PRMT3: variants seen among roughly 807,000 people sequenced by gnomAD.
PRMT3 encodes protein arginine methyltransferase 3.
PRMT3 carries 62 observed loss-of-function variants against 71.9 expected under a neutral mutation model. The ratio of observed to expected loss-of-function variants is 0.86; its 90% CI spans 0.70 to 1.07. The LOEUF (loss-of-function observed/expected upper bound fraction) is 1.07. Ranked by LOEUF, PRMT3 falls within the 50% of genes least tolerant of loss-of-function variation. The pLI is 0.00. For missense variants in PRMT3, 663 were observed against 643.0 expected (o/e 1.03, Z -0.34); for synonymous variants, 213 against 220.4 (o/e 0.97, Z 0.30).
Position 20,474,360 on chromosome 11 carries a change from C to A in PRMT3, c.1347+9814C>A, listed in dbSNP as rs567713218. 4.0e-5 allele frequency among the ~76,000 whole-genome samples: 6 copies of A among 149,486 alleles called. No individual in the cohort carries two copies. In the South Asian group the frequency reaches 1.2e-3, roughly 31 times the overall value. Reference sequence around the variant, plus strand: ...AATTTGGTGCTTCTCAGGCAAACCTCTCTGACTGGAATTCCAAGCCAGTGG... The same window carrying A: ...AATTTGGTGCTTCTCAGGCAAACCTATCTGACTGGAATTCCAAGCCAGTGG... On this transcript the variant is annotated intron_variant, in intron 13 of 15. Transcript: ENST00000331079.
intron 9 of PRMT3, among the ~76,000 whole-genome samples, chr11:20,415,611 C>T (rs7942089): frequency 0.031 from 4,715 of 149,856 alleles, 245 homozygotes; most frequent in African/African-American, 0.11. Flanking sequence ...TGTCTCTACC[C>T]AGGGAAATTT....
rs1448540066 is a variant in PRMT3 at position 20,387,790 on chromosome 11, C to T, written c.28+16C>T. 6.5e-7 allele frequency: 1 copy of T among 1,541,900 alleles called. No homozygotes were observed. The highest frequency in any genetic ancestry group is 8.7e-7 in the Non-Finnish European group (1 of 1,146,328). On this transcript the variant is annotated intron_variant, in intron 1 of 15. Transcript: ENST00000331079. This position sits in a 1 kb window ranked among gnomAD's most constrained non-coding sequence, Gnocchi z 4.3. ...GGCGCTACCGGTGGGTACCCTGGCC[C>T]CTCAGCACCCGGCTCGTCCAGCCCC...
chr11:20,468,224 C>T (rs1371040252), intron 13 of PRMT3, among the ~76,000 whole-genome samples: 1 of 152,194 alleles, frequency 6.6e-6, no homozygotes, highest in Admixed American at 6.5e-5. Flanking sequence ...CTGCTAAGTA[C>T]AAACCTTCAG....
intron 5 of PRMT3, 113 bp downstream of exon 5, chr11:20,393,112 T>C (rs1358194061): frequency 8.6e-6 from 6 of 695,110 alleles, no homozygotes; most frequent in Non-Finnish European, 1.5e-5. Context: ...ATCTAAATGC[T>C]TCATCAGGTA....
intron 13 of PRMT3, among the ~76,000 whole-genome samples, chr11:20,489,932 A>G (rs1270801660): frequency 6.6e-6 from 1 of 150,776 alleles, no homozygotes; most frequent in African/African-American, 2.4e-5. Context: ...AAAAATTTTT[A>G]AAAATAAGAA....
chr11:20,431,241 T>C lies in PRMT3; in HGVS notation c.993+4376T>C, dbSNP rs556608511. Among the ~76,000 whole-genome samples, 6 of 152,272 alleles carry C rather than the reference T, an allele frequency of 3.9e-5. No individual in the cohort carries two copies. The East Asian group carries it at 5.8e-4, about 15-fold the overall frequency. On this transcript the variant is annotated intron_variant, in intron 10 of 15. Coordinates refer to ENST00000331079, the MANE Select transcript of PRMT3 (RefSeq NM_005788.4). The stretch of plus-strand genomic sequence containing the variant: ...TACAATACATGAAGGCATGGAGATA[T>C]AGTATATGACAGGGTTAAGAATGTT...
intron 15 of PRMT3, among the ~76,000 whole-genome samples, chr11:20,507,095 G>A (rs1451187775): frequency 6.6e-6 from 1 of 152,122 alleles, no homozygotes; most frequent in Non-Finnish European, 1.5e-5. Context: ...AAGGTTCTGT[G>A]TATGTGTTTT....
intron 7 of PRMT3, among the ~76,000 whole-genome samples, chr11:20,401,997 C>T (rs1213450006): frequency 1.3e-5 from 2 of 152,108 alleles, no homozygotes; most frequent in Non-Finnish European, 2.9e-5. Flanking sequence ...CTTAGAAAAA[C>T]GTATCCAGTT....
intron 15 of PRMT3, among the ~76,000 whole-genome samples, chr11:20,505,549 A>G (rs1031401846): frequency 1.3e-5 from 2 of 152,232 alleles, no homozygotes; most frequent in Non-Finnish European, 2.9e-5. Context: ...GGCAATTACT[A>G]TTCTCTGTCA....
Position 20,487,069 on chromosome 11 carries a change from A to G in PRMT3, c.1348-6850A>G, listed in dbSNP as rs536588648. On this transcript the variant is annotated intron_variant, in intron 13 of 15. Transcript: ENST00000331079. ...GAGACTCCATCTCAAGAAAAAAAAA[A>G]AAGAAGAAGAAGAATGAAGCTGAAA... is the stretch of plus-strand genomic sequence containing the variant. Among the ~76,000 whole-genome samples, 71 of 151,992 alleles carry G rather than the reference A, an allele frequency of 4.7e-4. 1 individual carries two copies. In the East Asian group the frequency reaches 0.01, roughly 22 times the overall value.
rs537645995 is a variant in PRMT3, at chr11:20,395,857, T to C, written c.455T>C (p.Leu152Pro). ...VSVPFSYPNG[L>P]SENTSVVEKL... ...GTACCCTTCTCATACCCCAATGGACTCAGTGAAAATACATCTGTTGTTGAA... is the reference window on the plus strand; with the variant it reads ...GTACCCTTCTCATACCCCAATGGACCCAGTGAAAATACATCTGTTGTTGAA... Residue 152 changes from leucine (L) to proline (P), a missense_variant, in exon 6 of 16, where the codon CTC becomes CCC. By Grantham distance (98) the Leu-to-Pro change is moderately conservative. Coordinates refer to ENST00000331079, the MANE Select transcript of PRMT3 (RefSeq NM_005788.4). The C allele has an allele frequency of 6.2e-6, 10 of 1,614,114 alleles. No homozygotes were observed. The Admixed American group carries it at 1.7e-4, about 27-fold the overall frequency.
chr11:20,405,009 G>T (rs1298163540), intron 8 of PRMT3, among the ~76,000 whole-genome samples: 1 of 152,138 alleles, frequency 6.6e-6, no homozygotes, highest in Non-Finnish European at 1.5e-5. Context: ...AAAGGCTCAA[G>T]TATTAGTAAT....
intron 13 of PRMT3, among the ~76,000 whole-genome samples, chr11:20,481,633 A>G (rs1850939490): frequency 6.6e-6 from 1 of 152,104 alleles, no homozygotes; most frequent in South Asian, 2.1e-4. Flanking sequence ...GATTTTTCCC[A>G]TATGACTTAT....
intron 3 of PRMT3, among the ~76,000 whole-genome samples, chr11:20,391,616 T>A (rs183024018): frequency 1.3e-5 from 2 of 152,212 alleles, no homozygotes; most frequent in Non-Finnish European, 2.9e-5. Context: ...GTTTTTTTTT[T>A]ACTTACCGAT....
intron 5 of PRMT3, among the ~76,000 whole-genome samples, chr11:20,394,672 C>A (rs1848787247): frequency 6.6e-6 from 1 of 152,154 alleles, no homozygotes; most frequent in South Asian, 2.1e-4. Flanking sequence ...TAACTATAGT[C>A]ACTTTACAAT....
intron 3 of PRMT3, among the ~76,000 whole-genome samples, chr11:20,390,793 C>T (rs1848696281): frequency 6.6e-6 from 1 of 152,146 alleles, no homozygotes; most frequent in African/African-American, 2.4e-5. Context: ...TCCTGGCTAA[C>T]CCAGTGAAAA....
At chr11:20,485,523 G>T (rs1851050506) in intron 13 of PRMT3, among the ~76,000 whole-genome samples, 1 of 152,094 alleles carries the variant, frequency 6.6e-6, no homozygotes, top group African/African-American at 2.4e-5. Context: ...GTTTGGAAAA[G>T]AATTGAACAG....
intron 11 of PRMT3, among the ~76,000 whole-genome samples, chr11:20,453,630 C>T (rs1850203389): frequency 6.6e-6 from 1 of 152,100 alleles, no homozygotes; most frequent in South Asian, 2.1e-4. Flanking sequence ...GCAACCATTT[C>T]AAGATATGTT....
intron 10 of PRMT3, among the ~76,000 whole-genome samples, chr11:20,443,197 T>C (rs922744723): frequency 3.3e-5 from 5 of 152,058 alleles, no homozygotes; most frequent in African/African-American, 1.2e-4. Flanking sequence ...TAAATCAGGG[T>C]TGTATGTTTG....
Sources: allele counts gnomAD v4.1 joint callset (sites outside exome capture counted in the v4.1 genomes callset), GRCh38; gene constraint gnomAD v4.1.1; non-coding constraint Gnocchi (gnomAD v3.1); transcripts MANE v1.5; gene names NCBI Gene and HGNC (gene_info 2026-07-23, HGNC 2026-07-21).